Variants in LRP1 observed in about 807,000 individuals in gnomAD.
LRP1 encodes LDL receptor related protein 1, also known as prolow-density lipoprotein receptor-related protein 1.
A neutral mutation model predicts 541.5 loss-of-function variants in LRP1; 51 were observed. The observed-to-expected ratio is 0.09, with a 90% CI of 0.08 to 0.12. The LOEUF is 0.12. Ranked by LOEUF, LRP1 falls within the 10% of genes least tolerant of loss-of-function variation. LRP1 has a pLI of 1.00. For synonymous variants in LRP1, 2,219 were observed against 2,470.8 expected, an observed-to-expected ratio of 0.90 and a Z score of 3.02; for missense variants, 3,878 against 6,376.2, an observed-to-expected ratio of 0.61 and a Z score of 13.34.
chr12:57,170,829 A>AT (rs1423047560), intron 20 of LRP1, among the ~76,000 whole-genome samples: 3 of 152,104 alleles, frequency 2.0e-5, no homozygotes, highest in Non-Finnish European at 4.4e-5. Flanking sequence ...AGAAAAAAAA[A>AT]GTTTAAAAAA....
Position 57,156,644 on chromosome 12 carries a change from C to A in LRP1, c.1418-133C>A. 1 of 1,072,670 alleles carries A rather than the reference C, an allele frequency of 9.3e-7. No homozygotes were observed. The highest frequency in any genetic ancestry group is 1.3e-6 in the Non-Finnish European group (1 of 770,244). The allele number at this position is 1,072,670 out of a possible 1,614,324, so 66.4% of individuals were successfully genotyped here. On this transcript the variant is annotated intron_variant, in intron 9 of 88. Transcript: ENST00000243077. The surrounding 1 kb of genome is among the most constrained non-coding windows in gnomAD (Gnocchi z 5.2). ...GGGCAGAGGGTTTCCACCCCTGTGGCTTCCAAATCCTAAAATGGGATAGCA... is the reference window on the plus strand; with the variant it reads ...GGGCAGAGGGTTTCCACCCCTGTGGATTCCAAATCCTAAAATGGGATAGCA...
rs528461213 is a variant in LRP1, at chr12:57,201,727, C to A, written c.10469-53C>A. On this transcript the variant is annotated intron_variant, in intron 66 of 88. Coordinates refer to ENST00000243077, the MANE Select transcript of LRP1 (RefSeq NM_002332.3). The surrounding 1 kb of genome is among the most constrained non-coding windows in gnomAD (Gnocchi z 6.4). The stretch of plus-strand genomic sequence containing the variant: ...TGCTCCCTCACTCTCCCCACCCTCC[C>A]GGCACACTCCTGGAAGGAGTCTCAT... The A allele has an allele frequency of 6.2e-7, 1 of 1,602,746 alleles. No homozygotes were observed. Among genetic ancestry groups the A allele is most frequent in the Non-Finnish European group, 8.5e-7 (1 of 1,171,990 alleles).
At position 57,179,105 on chromosome 12, in the gene LRP1, G is replaced by A; in HGVS notation, c.4738+84G>A. On this transcript the variant is annotated intron_variant, in intron 28 of 88. Coordinates refer to ENST00000243077, the MANE Select transcript of LRP1 (RefSeq NM_002332.3). The surrounding 1 kb of genome is among the most constrained non-coding windows in gnomAD (Gnocchi z 6.8). ...CCCCAGGATCCCGGTTGTCAGCTAAGGCAGAGTCCCAGTCGGGAGGGTCCC... is the reference window on the plus strand; with the variant it reads ...CCCCAGGATCCCGGTTGTCAGCTAAAGCAGAGTCCCAGTCGGGAGGGTCCC... The A allele has an allele frequency of 6.5e-7, 1 of 1,538,680 alleles. No homozygotes were observed. Among genetic ancestry groups the A allele is most frequent in the East Asian group, 2.3e-5 (1 of 44,306 alleles).
intron 31 of LRP1, 60 bp from the exon 32 acceptor site, chr12:57,180,270 C>A (rs1183840274): frequency 3.7e-6 from 6 of 1,602,566 alleles, no homozygotes; most frequent in Non-Finnish European, 5.1e-6. Context: ...ACCATCTGCT[C>A]CCTTCCCTGG....
chr12:57,149,509 C>A, intron 6 of LRP1: 1 of 621,934 alleles, frequency 1.6e-6, no homozygotes, highest in Non-Finnish European at 2.9e-6. Context: ...GTAACTTAAG[C>A]AAGAGAGATG....
At position 57,175,752 on chromosome 12, in the gene LRP1, G is replaced by A. The variant is rs568849670; in HGVS notation, c.3793+47G>A. 9 of 1,550,826 alleles carry A rather than the reference G, an allele frequency of 5.8e-6. No homozygotes were observed. The African/African-American group carries it at 1.2e-4, about 21-fold the overall frequency. On this transcript the variant is annotated intron_variant, in intron 23 of 88. Transcript: ENST00000243077. ...GTGGGGCAGGCCGAGGCAGGCCTCTGAGCTGCAGTGGGTTGGGCTTGGTGG... is the reference window on the plus strand; with the variant it reads ...GTGGGGCAGGCCGAGGCAGGCCTCTAAGCTGCAGTGGGTTGGGCTTGGTGG...
At chr12:57,202,961 C>T (rs1428488444) in intron 68 of LRP1, 3 of 578,508 alleles carry the variant, frequency 5.2e-6, no homozygotes, top group Non-Finnish European at 9.2e-6. Flanking sequence ...CCTGTGTCCT[C>T]TCTGGTGTCT....
chr12:57,158,330 T>G lies in LRP1; in HGVS notation c.1562-72T>G. 1.6e-6 allele frequency: 2 copies of G among 1,282,112 alleles called. No homozygotes were observed. Among genetic ancestry groups the G allele is most frequent in the South Asian group, 2.7e-5 (2 of 73,682 alleles). The allele number at this position is 1,282,112 out of a possible 1,614,324, so 79.4% of individuals were successfully genotyped here. On this transcript the variant is annotated intron_variant, in intron 10 of 88. Coordinates refer to ENST00000243077, the MANE Select transcript of LRP1 (RefSeq NM_002332.3). This position sits in a 1 kb window ranked among gnomAD's most constrained non-coding sequence, Gnocchi z 5.3. ...TCACAGCTAGGGCATTGCAGCCCCTTGGCCGCAGCCCCTGGGTGGGGATGA... is the reference window on the plus strand; with the variant it reads ...TCACAGCTAGGGCATTGCAGCCCCTGGGCCGCAGCCCCTGGGTGGGGATGA...
intron 76 of LRP1, 148 bp from the exon 77 acceptor site, chr12:57,207,890 C>A: frequency 2.4e-6 from 2 of 844,920 alleles, no homozygotes; most frequent in Non-Finnish European, 1.8e-6. Context: ...GAGTCTGGCG[C>A]ATAAGCTCCA....
chr12:57,159,406 G>A (rs1250526227), intron 11 of LRP1, among the ~76,000 whole-genome samples: 1 of 152,212 alleles, frequency 6.6e-6, no homozygotes, highest in Non-Finnish European at 1.5e-5. Flanking sequence ...TGGAGTGAAG[G>A]CTTTGGCTAA....
chr12:57,140,765 C>G (rs922839612), intron 2 of LRP1, among the ~76,000 whole-genome samples: 1 of 152,186 alleles, frequency 6.6e-6, no homozygotes, highest in Non-Finnish European at 1.5e-5. Context: ...ACAGATCTCG[C>G]TCTGTCGCCC....
chr12:57,135,379 G>A (rs1161427884), intron 1 of LRP1, among the ~76,000 whole-genome samples: 1 of 152,220 alleles, frequency 6.6e-6, no homozygotes, highest in Non-Finnish European at 1.5e-5. Flanking sequence ...GCTGAGGGGA[G>A]TGGGGTTGGC....
chr12:57,137,510 T>A (rs1371178744), intron 1 of LRP1, among the ~76,000 whole-genome samples: 1 of 152,084 alleles, frequency 6.6e-6, no homozygotes, highest in Admixed American at 6.5e-5. Flanking sequence ...CTACTGAAAG[T>A]CTCCCTGAGG....
In LRP1 at chr12:57,211,207, C is replaced by T. The variant is rs1005846416; in HGVS notation, c.12948C>T (p.Gly4316=). 1 of 1,614,148 alleles carries T rather than the reference C, an allele frequency of 6.2e-7. No homozygotes were observed. The highest frequency in any genetic ancestry group is 1.3e-5 in the African/African-American group (1 of 74,962). ...RQCSGYCENF[G]TCQMAADGSR... Reference sequence around the variant, plus strand: ...GCTCTGGCTACTGTGAGAACTTTGGCACATGCCAGATGGCTGCTGATGGCT... The same window carrying T: ...GCTCTGGCTACTGTGAGAACTTTGGTACATGCCAGATGGCTGCTGATGGCT... Residue 4316 remains glycine (G), a synonymous_variant, in exon 84 of 89, where the codon GGC becomes GGT. Coordinates refer to ENST00000243077, the MANE Select transcript of LRP1 (RefSeq NM_002332.3). This position sits in a 1 kb window ranked among gnomAD's most constrained non-coding sequence, Gnocchi z 4.3.
chr12:57,172,578 G>A (rs564555395), intron 20 of LRP1, among the ~76,000 whole-genome samples: 4 of 152,240 alleles, frequency 2.6e-5, no homozygotes, highest in East Asian at 1.9e-4. Context: ...GGGCTCACTC[G>A]CTCTTCATGC....
intron 1 of LRP1, among the ~76,000 whole-genome samples, chr12:57,136,318 G>T (rs1227982831): frequency 6.6e-6 from 1 of 150,444 alleles, no homozygotes; most frequent in Non-Finnish European, 1.5e-5. Flanking sequence ...CCTGAGTGCC[G>T]TCTCCCCTGC....
chr12:57,160,795 T>A, intron 12 of LRP1, 98 bp from the exon 13 acceptor site: 1 of 837,414 alleles, frequency 1.2e-6, no homozygotes, highest in South Asian at 1.5e-5. Flanking sequence ...AGGAGACCCC[T>A]GTGAGGAGCT....
Position 57,143,680 on chromosome 12 carries a change from G to A in LRP1, c.330G>A (p.Glu110=). Reference sequence around the variant, plus strand: ...TGTGTCTCTCCTGCCCCCACACAGAGCTCCAAGGCAACTGCTCTCGCCTGG... The same window carrying A: ...TGTGTCTCTCCTGCCCCCACACAGAACTCCAAGGCAACTGCTCTCGCCTGG... ...DGSDEGPHCR[E]LQGNCSRLGC... Residue 110 remains glutamate (E), a splice_region_variant and synonymous_variant, in exon 4 of 89, where the codon GAG becomes GAA. Transcript: ENST00000243077. The A allele has an allele frequency of 1.9e-6, 3 of 1,613,262 alleles. No homozygotes were observed. Among genetic ancestry groups the A allele is most frequent in the South Asian group, 2.2e-5 (2 of 91,006 alleles).
intron 3 of LRP1, among the ~76,000 whole-genome samples, chr12:57,143,006 A>G (rs2035327476): frequency 6.6e-6 from 1 of 152,074 alleles, no homozygotes; most frequent in Non-Finnish European, 1.5e-5. Context: ...ACGCAAGGCC[A>G]TTAACTGGGT....
Sources: allele counts gnomAD v4.1 joint callset (sites outside exome capture counted in the v4.1 genomes callset), GRCh38; gene constraint gnomAD v4.1.1; non-coding constraint Gnocchi (gnomAD v3.1); transcripts MANE v1.5; gene names NCBI Gene and HGNC (gene_info 2026-07-23, HGNC 2026-07-21).